C2CD3: variants seen among roughly 807,000 people sequenced by gnomAD.
C2CD3 encodes C2 domain containing 3 centriole elongation regulator.
Under a neutral mutation model 234.0 loss-of-function variants are expected in C2CD3, and 148 were observed. The ratio of observed to expected loss-of-function variants is 0.63; its 90% CI spans 0.55 to 0.72. The LOEUF (loss-of-function observed/expected upper bound fraction) is 0.72. Ranked by LOEUF, C2CD3 falls within the 30% of genes least tolerant of loss-of-function variation. The pLI is 0.00. For synonymous variants in C2CD3, 1,000 were observed against 1,035.4 expected (o/e 0.97, Z 0.66); for missense variants, 2,577 against 2,811.5 (o/e 0.92, Z 1.89).
intron 24 of C2CD3, among the ~76,000 whole-genome samples, chr11:74,063,172 G>A (rs532028133): frequency 5.9e-5 from 9 of 152,286 alleles, no homozygotes; most frequent in African/African-American, 1.2e-4. Flanking sequence ...AGGACCAGAT[G>A]GATTCACAGC....
At position 74,148,728 on chromosome 11, in the gene C2CD3, C is replaced by T. The variant is rs553266680; in HGVS notation, c.484-8900G>A. On this transcript the variant is annotated intron_variant, in intron 3 of 32. Transcript: ENST00000334126. Reference sequence around the variant, plus strand: ...CCAGTCTGACCAAACCTGATCTTCCCCTTCACAGCAACAATGTAAAGCCAC... The same window carrying T: ...CCAGTCTGACCAAACCTGATCTTCCTCTTCACAGCAACAATGTAAAGCCAC... 1.7e-4 allele frequency among the ~76,000 whole-genome samples: 26 copies of T among 152,224 alleles called. No homozygotes were observed. The South Asian group carries it at 5.2e-3, about 30-fold the overall frequency.
At chr11:74,043,543 A>G (rs966006811) in intron 28 of C2CD3, among the ~76,000 whole-genome samples, 1 of 152,202 alleles carries the variant, frequency 6.6e-6, no homozygotes, top group Non-Finnish European at 1.5e-5. Context: ...ATGTTTAAGG[A>G]ACTTCCAGAT....
At chr11:74,169,011 T>C (rs1856980568) in intron 1 of C2CD3, among the ~76,000 whole-genome samples, 1 of 152,230 alleles carries the variant, frequency 6.6e-6, no homozygotes, top group African/African-American at 2.4e-5. Flanking sequence ...TTGTTTTAAT[T>C]ATTGCAACAT....
chr11:74,068,824 C>T lies in C2CD3; in HGVS notation c.4951+5429G>A, dbSNP rs538387549. ...TTATTTATTTATTTATTTTTTGAGA[C>T]GGAGTCTCACTCACTCTGTCGCCCA... On this transcript the variant is annotated intron_variant, in intron 24 of 32. Transcript: ENST00000334126. Among the ~76,000 whole-genome samples the T allele has an allele frequency of 5.3e-5, 8 of 152,252 alleles. No homozygotes were observed. The South Asian group carries it at 1.0e-3, about 20-fold the overall frequency.
In C2CD3 at chr11:74,103,229, A is replaced by G. The variant is rs201751878; in HGVS notation, c.2482T>C (p.Cys828Arg). 2 of 1,614,172 alleles carry G rather than the reference A, an allele frequency of 1.2e-6. No individual in the cohort carries two copies. The highest frequency in any genetic ancestry group is 2.2e-5 in the East Asian group (1 of 44,884). ...ISGESEKQSP[C>R]NVYLNCKLFS... ...AGTTTACAATTTAAATAAACATTGC[A>G]TGGTGATTGTTTCTCAGATTCTCCA... The change falls in exon 14 of 33, where the codon TGC becomes CGC. Residue 828 changes from cysteine (C) to arginine (R), a missense_variant. By Grantham distance (180) the Cys-to-Arg change is radical. Coordinates refer to ENST00000334126, the MANE Select transcript of C2CD3 (RefSeq NM_001286577.2).
chr11:74,132,189 A>G (rs1197881639), intron 7 of C2CD3, among the ~76,000 whole-genome samples: 3 of 152,120 alleles, frequency 2.0e-5, no homozygotes, highest in African/African-American at 7.2e-5. Context: ...CGTCGCTACT[A>G]AAAATACAAA....
chr11:74,021,238 T>C (rs945123583), intron 32 of C2CD3, among the ~76,000 whole-genome samples: 17 of 151,744 alleles, frequency 1.1e-4, no homozygotes, highest in African/African-American at 3.6e-4. Context: ...AGGGAGACCC[T>C]GTCTCAAAAA....
At chr11:74,166,112 C>G (rs554663280) in intron 2 of C2CD3, among the ~76,000 whole-genome samples, 2 of 152,038 alleles carry the variant, frequency 1.3e-5, no homozygotes, top group African/African-American at 4.8e-5. Flanking sequence ...AGATTGAGAC[C>G]ATCCTGGCTA....
chr11:74,146,710 CCACACACACACA>C (rs141560536), intron 3 of C2CD3, among the ~76,000 whole-genome samples: 9 of 85,002 alleles, frequency 1.1e-4, no homozygotes, highest in East Asian at 3.6e-4. Context: ...AAAAGTCAAA[CCACACACACACA>C]CACACACACA....
rs757005208 is a variant in C2CD3 at position 74,118,270 on chromosome 11, C to T, written c.1478G>A (p.Ser493Asn). 6.2e-7 allele frequency: 1 copy of T among 1,613,920 alleles called. No homozygotes were observed. Among genetic ancestry groups the T allele is most frequent in the East Asian group, 2.2e-5 (1 of 44,866 alleles). The change falls in exon 9 of 33, where the codon AGT becomes AAT. Residue 493 changes from serine (S) to asparagine (N), a missense_variant. Transcript: ENST00000334126. ...LARSSKVLES[S>N]DHKLKKRSAG... ...TGACCTCTTCTTCAGCTTATGATCA[C>T]TTGACTCCAGAACCTTAGATGATCT...
intron 26 of C2CD3, among the ~76,000 whole-genome samples, chr11:74,052,247 G>A (rs892170712): frequency 1.3e-5 from 2 of 152,156 alleles, no homozygotes; most frequent in African/African-American, 4.8e-5. Flanking sequence ...CACTCCAATA[G>A]TCCTAGCATA....
intron 14 of C2CD3, among the ~76,000 whole-genome samples, chr11:74,100,976 CTCGTCCAACCCTT>C (rs1014027732): frequency 1.3e-5 from 2 of 152,312 alleles, no homozygotes; most frequent in East Asian, 3.9e-4. Context: ...GCCTGCCAAA[CTCGTCCAACCCTT>C]TCTAAGGCAA....
At chr11:74,157,184 T>C (rs917717966) in intron 3 of C2CD3, among the ~76,000 whole-genome samples, 1 of 152,220 alleles carries the variant, frequency 6.6e-6, no homozygotes, top group Non-Finnish European at 1.5e-5. Flanking sequence ...AAATAGACTA[T>C]AACTTTAATA....
intron 2 of C2CD3, among the ~76,000 whole-genome samples, chr11:74,166,317 A>T (rs1482739893): frequency 1.1e-5 from 1 of 92,476 alleles, no homozygotes; most frequent in African/African-American, 4.4e-5. Flanking sequence ...ACTCCGTCTT[A>T]AAAAAAAAAA....
At chr11:74,110,148 A>G (rs777011830) in intron 11 of C2CD3, among the ~76,000 whole-genome samples, 1 of 145,954 alleles carries the variant, frequency 6.9e-6, no homozygotes, top group Non-Finnish European at 1.5e-5. Flanking sequence ...ATCAAAGGAT[A>G]TAAGTTTAAG....
intron 7 of C2CD3, among the ~76,000 whole-genome samples, chr11:74,127,836 G>T (rs1389048534): frequency 6.6e-6 from 1 of 151,510 alleles, no homozygotes; most frequent in East Asian, 1.9e-4. Flanking sequence ...GATAACAAAT[G>T]GTGTCAAGCA....
intron 29 of C2CD3, among the ~76,000 whole-genome samples, chr11:74,038,227 C>A (rs1003432015): frequency 1.3e-5 from 2 of 152,134 alleles, no homozygotes; most frequent in African/African-American, 4.8e-5. Flanking sequence ...TGGGCTGATT[C>A]CTTTACATCT....
At position 74,037,582 on chromosome 11, in the gene C2CD3, C is replaced by G. The variant is rs377395313; in HGVS notation, c.5777G>C (p.Cys1926Ser). The change falls in exon 30 of 33, where the codon TGT (cysteine) becomes TCT (serine). Residue 1926 changes from cysteine (C) to serine (S), a missense_variant. By Grantham distance (112) the Cys-to-Ser change is moderately radical. Coordinates refer to ENST00000334126, the MANE Select transcript of C2CD3 (RefSeq NM_001286577.2). ...QTAISQHQES[C>S]RDHLGPGASS... ...GGCACCTGGCCCAAGATGGTCCCTA[C>G]AGCTCTCCTGGTGCTGTGAGATGGC... 2.5e-6 allele frequency: 4 copies of G among 1,614,126 alleles called. No individual in the cohort carries two copies. The South Asian group carries it at 4.4e-5, about 18-fold the overall frequency.
At chr11:74,014,282 T>C (rs911093422) in intron 32 of C2CD3, among the ~76,000 whole-genome samples, 8 of 151,984 alleles carry the variant, frequency 5.3e-5, no homozygotes, top group Admixed American at 2.0e-4. Context: ...GGGGGCCTGA[T>C]AGGGGAGGGG....
Sources: allele counts gnomAD v4.1 joint callset (sites outside exome capture counted in the v4.1 genomes callset), GRCh38; gene constraint gnomAD v4.1.1; transcripts MANE v1.5; gene names NCBI Gene and HGNC (gene_info 2026-07-23, HGNC 2026-07-21).